The following TMC1 variants were observed in gnomAD, a reference collection of about 807,000 sequenced individuals.
TMC1 encodes transmembrane channel-like protein 1.
TMC1 carries 84 observed loss-of-function variants against 105.8 expected under a neutral mutation model. That is an observed-to-expected ratio of 0.79 (90% confidence interval 0.67 to 0.95). TMC1 has a LOEUF of 0.95. TMC1 is among the 40% of genes least tolerant of loss of function. The probability of loss-of-function intolerance (pLI) is 0.00; values close to 1 mark genes in which losing one functional copy is unlikely to be tolerated. For missense variants in TMC1, 817 were observed against 914.1 expected, an observed-to-expected ratio of 0.89 and a Z score of 1.37; for synonymous variants, 315 against 311.5, an observed-to-expected ratio of 1.01 and a Z score of -0.12.
At chr9:72,734,454 T>G (rs1238663493) in intron 8 of TMC1, among the ~76,000 whole-genome samples, 4 of 152,064 alleles carry the variant, frequency 2.6e-5, no homozygotes, top group Non-Finnish European at 4.4e-5. Context: ...AGCATTTGCC[T>G]TAGGAAAAAA....
At position 72,754,984 on chromosome 9, in the gene TMC1, G is replaced by A. The variant is rs1588067220; in HGVS notation, c.741+100G>A. 9 of 638,426 alleles carry A rather than the reference G, an allele frequency of 1.4e-5. No homozygotes were observed. In the East Asian group the frequency reaches 4.5e-4, roughly 32 times the overall value. The allele number at this position is 638,426 out of a possible 1,614,324, so 39.5% of individuals were successfully genotyped here. On this transcript the variant is annotated intron_variant, in intron 12 of 23. Transcript: ENST00000297784. ...CCTCCTCTCCTGGGTCAGGCTGAAT[G>A]TCTTAAGAAAGACGTCCCTGCTCCC...
At chr9:72,783,171 G>C (rs1461906002) in intron 13 of TMC1, among the ~76,000 whole-genome samples, 2 of 151,728 alleles carry the variant, frequency 1.3e-5, no homozygotes, top group Non-Finnish European at 2.9e-5. Context: ...TATATATATG[G>C]GAGCTTATTA....
chr9:72,799,147 T>C (rs1442094070), intron 17 of TMC1, among the ~76,000 whole-genome samples: 1 of 152,114 alleles, frequency 6.6e-6, no homozygotes. Flanking sequence ...AAAGCTTTTA[T>C]GATTTCATTT....
chr9:72,659,995 C>G (rs1012879119), intron 5 of TMC1, among the ~76,000 whole-genome samples: 3 of 152,070 alleles, frequency 2.0e-5, no homozygotes, highest in Non-Finnish European at 4.4e-5. Context: ...ATTTTCTACC[C>G]CTGAGTGCTA....
At chr9:72,650,276 T>C (rs2132151387) in intron 5 of TMC1, among the ~76,000 whole-genome samples, 1 of 152,274 alleles carries the variant, frequency 6.6e-6, no homozygotes, top group East Asian at 1.9e-4. Flanking sequence ...AAGGCAGTAC[T>C]TGGGCTTCAT....
intron 12 of TMC1, among the ~76,000 whole-genome samples, chr9:72,760,519 T>A (rs1481623856): frequency 6.6e-6 from 1 of 152,064 alleles, no homozygotes; most frequent in East Asian, 1.9e-4. Context: ...TAGGTAGAGT[T>A]TGGGGTGTGT....
At chr9:72,819,414 A>G (rs980070934) in intron 19 of TMC1, among the ~76,000 whole-genome samples, 1 of 152,156 alleles carries the variant, frequency 6.6e-6, no homozygotes, top group Non-Finnish European at 1.5e-5. Flanking sequence ...TGGGACTATC[A>G]CTTGCTTACT....
intron 3 of TMC1, among the ~76,000 whole-genome samples, chr9:72,623,887 G>A (rs1455348751): frequency 6.6e-6 from 1 of 152,130 alleles, no homozygotes. Flanking sequence ...ATGTCATCTT[G>A]GTCCTAGTCT....
intron 2 of TMC1, among the ~76,000 whole-genome samples, chr9:72,582,155 C>T (rs936265593): frequency 1.1e-4 from 16 of 152,258 alleles, no homozygotes; most frequent in African/African-American, 3.1e-4. Context: ...TGGGGTTTCT[C>T]CATCTTGGTC....
intron 12 of TMC1, among the ~76,000 whole-genome samples, chr9:72,760,817 G>C (rs1288739784): frequency 6.6e-6 from 1 of 152,150 alleles, no homozygotes; most frequent in Non-Finnish European, 1.5e-5. Flanking sequence ...GGTAAGGTAG[G>C]GGAGGTTGTG....
At chr9:72,621,798 A>G (rs72731185) in intron 3 of TMC1, among the ~76,000 whole-genome samples, 1 of 152,154 alleles carries the variant, frequency 6.6e-6, no homozygotes, top group Non-Finnish European at 1.5e-5. Context: ...TGGCACATTT[A>G]TAAGGAAATT....
intron 2 of TMC1, among the ~76,000 whole-genome samples, chr9:72,587,666 A>C (rs936029820): frequency 1.3e-5 from 2 of 152,204 alleles, no homozygotes; most frequent in Non-Finnish European, 2.9e-5. Context: ...CCTGAATTTT[A>C]AAAAGCTTCT....
chr9:72,564,548 C>A (rs140236409), intron 1 of TMC1, among the ~76,000 whole-genome samples: 1 of 152,296 alleles, frequency 6.6e-6, no homozygotes, highest in East Asian at 1.9e-4. Context: ...GTTCCCACTG[C>A]TTTTAATGTT....
At chr9:72,529,591 GAC>G (rs1446635178) in intron 1 of TMC1, among the ~76,000 whole-genome samples, 1 of 151,484 alleles carries the variant, frequency 6.6e-6, no homozygotes, top group African/African-American at 2.4e-5. Flanking sequence ...TATTAGTTAA[GAC>G]AAAAAAATCT....
At chr9:72,527,169 G>C (rs1237130533) in intron 1 of TMC1, among the ~76,000 whole-genome samples, 3 of 152,164 alleles carry the variant, frequency 2.0e-5, no homozygotes, top group African/African-American at 4.8e-5. Flanking sequence ...GCTCCCAGTT[G>C]CTCAGGCCTG....
chr9:72,574,803 A>C (rs1824347468), intron 1 of TMC1, among the ~76,000 whole-genome samples: 1 of 152,172 alleles, frequency 6.6e-6, no homozygotes, highest in South Asian at 2.1e-4. Context: ...ATACATTCCT[A>C]CTAGTCCCCA....
chr9:72,528,335 A>AT (rs555613729), intron 1 of TMC1, among the ~76,000 whole-genome samples: 4,521 of 141,366 alleles, frequency 0.032, 149 homozygotes, highest in African/African-American at 0.081. Flanking sequence ...TAAGTTCATG[A>AT]TTTTTTTTTT....
At chr9:72,604,825 G>A (rs1179375585) in intron 2 of TMC1, among the ~76,000 whole-genome samples, 2 of 152,186 alleles carry the variant, frequency 1.3e-5, no homozygotes, top group Non-Finnish European at 2.9e-5. Flanking sequence ...GACAAGGTGG[G>A]ACAGAGGTAA....
intron 1 of TMC1, among the ~76,000 whole-genome samples, chr9:72,568,486 G>C (rs1183742430): frequency 1.3e-5 from 2 of 152,078 alleles, no homozygotes; most frequent in African/African-American, 4.8e-5. Flanking sequence ...ACTCTTTATG[G>C]GGACTTGCTA....
Sources: gnomAD v4.1 joint callset for allele counts (sites outside exome capture counted in the v4.1 genomes callset) on GRCh38, gnomAD v4.1.1 for gene constraint, MANE v1.5 for transcripts, NCBI Gene and HGNC (gene_info 2026-07-23, HGNC 2026-07-21) for gene names.